Variants in TBC1D5 observed in about 807,000 individuals in gnomAD.
The protein encoded by TBC1D5 is TBC1 domain family, member 5.
TBC1D5 carries 75 observed loss-of-function variants against 100.3 expected under a neutral mutation model. That is an observed-to-expected ratio of 0.75 (90% CI 0.62 to 0.91). TBC1D5 has a LOEUF of 0.91. Ranked by LOEUF, TBC1D5 falls within the 40% of genes least tolerant of loss-of-function variation. TBC1D5 has a pLI of 0.00. For missense variants in TBC1D5, 910 were observed against 942.4 expected (o/e 0.97, Z 0.45); for synonymous variants, 323 against 325.6 (o/e 0.99, Z 0.09).
At chr3:17,376,377 A>G (rs996323569) in intron 10 of TBC1D5, 148 bp downstream of exon 10, 7 of 640,308 alleles carry the variant, frequency 1.1e-5, no homozygotes, top group Non-Finnish European at 1.5e-5. Context: ...AAGTAGAATT[A>G]ACAATTAACC....
upstream of TBC1D5, chr3:17,742,421 A>C (rs865993034): frequency 6.5e-6 from 1 of 153,016 alleles, no homozygotes; most frequent in Non-Finnish European, 1.5e-5. Context: ...CACTGGAGGA[A>C]GGCGGAGGCG....
chr3:17,437,824 T>C (rs2094565958), intron 3 of TBC1D5, among the ~76,000 whole-genome samples: 1 of 152,178 alleles, frequency 6.6e-6, no homozygotes, highest in Non-Finnish European at 1.5e-5. Context: ...TTTCCTATTC[T>C]AAAATTATTA....
chr3:17,721,988 T>A (rs1218579613), intron 1 of TBC1D5, among the ~76,000 whole-genome samples: 2 of 151,886 alleles, frequency 1.3e-5, no homozygotes, highest in Non-Finnish European at 2.9e-5. Flanking sequence ...TCTCAAAAAA[T>A]TAATTAATTA....
At chr3:17,284,089 TACACAC>T (rs58307801) in intron 15 of TBC1D5, among the ~76,000 whole-genome samples, 62 of 132,820 alleles carry the variant, frequency 4.7e-4, no homozygotes, top group African/African-American at 1.7e-3. Context: ...CTCATTATTT[TACACAC>T]ACACACACAC....
At chr3:17,625,534 A>G (rs2062980952) in intron 1 of TBC1D5, among the ~76,000 whole-genome samples, 1 of 152,100 alleles carries the variant, frequency 6.6e-6, no homozygotes, top group Non-Finnish European at 1.5e-5. Flanking sequence ...TTCATCTCCA[A>G]CTGGACAAAG....
intron 3 of TBC1D5, among the ~76,000 whole-genome samples, chr3:17,437,622 T>TAGAGAG (rs58492511): frequency 0.058 from 6,625 of 115,212 alleles, 386 homozygotes; most frequent in African/African-American, 0.17. Context: ...GAGACAGAGG[T>TAGAGAG]AGAGAGAGAG....
intron 2 of TBC1D5, among the ~76,000 whole-genome samples, chr3:17,537,579 C>G (rs144803213): frequency 1.3e-5 from 2 of 152,266 alleles, no homozygotes; most frequent in South Asian, 2.1e-4. Flanking sequence ...CTCCTCCCCC[C>G]ACTCCTGGCA....
At chr3:17,262,267 A>G (rs1281316221) in intron 15 of TBC1D5, among the ~76,000 whole-genome samples, 6 of 152,188 alleles carry the variant, frequency 3.9e-5, no homozygotes, top group Non-Finnish European at 8.8e-5. Context: ...TATTGAATAC[A>G]GTAGACAGGT....
chr3:17,475,060 G>C lies in TBC1D5; in HGVS notation c.97+33414C>G, dbSNP rs149341633. Among the ~76,000 whole-genome samples the C allele has an allele frequency of 3.3e-5, 5 of 152,004 alleles. No individual in the cohort carries two copies. The East Asian group carries it at 9.7e-4, about 29-fold the overall frequency. On this transcript the variant is annotated intron_variant, in intron 3 of 21. Coordinates refer to ENST00000253692, the Ensembl canonical transcript of TBC1D5. ...AAGAATTGCTAGTTTATGTCCTTTGGTCATTTTTCAATTGTGTTCATATTC... is the reference window on the plus strand; with the variant it reads ...AAGAATTGCTAGTTTATGTCCTTTGCTCATTTTTCAATTGTGTTCATATTC...
chr3:17,254,385 AT>A (rs1273927399), intron 16 of TBC1D5, among the ~76,000 whole-genome samples: 1 of 152,050 alleles, frequency 6.6e-6, no homozygotes, highest in Non-Finnish European at 1.5e-5. Context: ...GCTACTGTCA[AT>A]TTTTTATTTT....
intron 18 of TBC1D5, among the ~76,000 whole-genome samples, chr3:17,209,219 C>T (rs2072636622): frequency 6.6e-6 from 1 of 152,206 alleles, no homozygotes; most frequent in African/African-American, 2.4e-5. Context: ...ACAGTCACTG[C>T]TCACGCAGAC....
chr3:17,684,369 G>A (rs2069948714), intron 1 of TBC1D5, among the ~76,000 whole-genome samples: 2 of 152,014 alleles, frequency 1.3e-5, no homozygotes, highest in African/African-American at 4.8e-5. Context: ...ATTTTATAGT[G>A]AAACCTGTCT....
chr3:17,367,327 A>G (rs1453236573), intron 13 of TBC1D5, among the ~76,000 whole-genome samples: 2 of 152,170 alleles, frequency 1.3e-5, no homozygotes, highest in Non-Finnish European at 2.9e-5. Flanking sequence ...ATTGTAACGC[A>G]AATATTTTAG....
At chr3:17,589,764 G>C (rs540815521) in intron 2 of TBC1D5, among the ~76,000 whole-genome samples, 3 of 152,200 alleles carry the variant, frequency 2.0e-5, no homozygotes, top group African/African-American at 4.8e-5. Flanking sequence ...TCTACTGTCA[G>C]GTTTAGAATG....
chr3:17,612,680 C>T (rs1247712774), intron 2 of TBC1D5, among the ~76,000 whole-genome samples: 1 of 151,680 alleles, frequency 6.6e-6, no homozygotes, highest in African/African-American at 2.4e-5. Flanking sequence ...AATAATTATA[C>T]ATAGAAGAAC....
chr3:17,305,257 T>G (rs2083287427), intron 14 of TBC1D5, among the ~76,000 whole-genome samples: 1 of 152,174 alleles, frequency 6.6e-6, no homozygotes, highest in South Asian at 2.1e-4. Context: ...AAGCTCTTCC[T>G]TGGCTTCTTC....
At chr3:17,729,770 A>G (rs1292107738) in intron 1 of TBC1D5, among the ~76,000 whole-genome samples, 2 of 152,194 alleles carry the variant, frequency 1.3e-5, no homozygotes, top group African/African-American at 4.8e-5. Context: ...AACATTAAGT[A>G]AAATTGTTCA....
intron 2 of TBC1D5, among the ~76,000 whole-genome samples, chr3:17,560,723 C>A (rs1171541028): frequency 6.6e-6 from 1 of 151,682 alleles, no homozygotes; most frequent in Admixed American, 6.6e-5. Flanking sequence ...GAGTTCAAGA[C>A]CAGCCTGACC....
At chr3:17,265,862 T>C (rs534071741) in intron 15 of TBC1D5, among the ~76,000 whole-genome samples, 3 of 150,354 alleles carry the variant, frequency 2.0e-5, no homozygotes, top group African/African-American at 4.9e-5. Context: ...TATAGTTTTA[T>C]AGAAAACAAA....
Sources: gnomAD v4.1 joint callset for allele counts (sites outside exome capture counted in the v4.1 genomes callset) on GRCh38, gnomAD v4.1.1 for gene constraint, MANE v1.5 for transcripts, NCBI Gene and HGNC (gene_info 2026-07-23, HGNC 2026-07-21) for gene names.